ARMH3: variants seen among roughly 807,000 people sequenced by gnomAD.
ARMH3 encodes armadillo-like helical domain-containing protein 3.
Under a neutral mutation model 99.1 loss-of-function variants are expected in ARMH3, and 60 were observed. The observed-to-expected ratio is 0.61, with a 90% CI of 0.49 to 0.75. The LOEUF (loss-of-function observed/expected upper bound fraction) is 0.75, where lower values mean the gene tolerates loss of function less well. ARMH3 is among the 30% of genes least tolerant of loss of function. The pLI is 0.00. For synonymous variants in ARMH3, 285 were observed against 292.8 expected (o/e 0.97, Z 0.27); for missense variants, 679 against 843.1 (o/e 0.81, Z 2.41).
At chr10:102,001,188 T>C (rs767002461) in intron 15 of ARMH3, among the ~76,000 whole-genome samples, 1 of 152,148 alleles carries the variant, frequency 6.6e-6, no homozygotes, top group Non-Finnish European at 1.5e-5. Context: ...ATGGTTAAGA[T>C]GGTAAATTTT....
intron 22 of ARMH3, among the ~76,000 whole-genome samples, chr10:101,955,449 G>A (rs961921114): frequency 3.3e-5 from 5 of 152,064 alleles, no homozygotes; most frequent in African/African-American, 1.2e-4. Context: ...CACTGCCTAA[G>A]ACATTATAGC....
intron 23 of ARMH3, among the ~76,000 whole-genome samples, chr10:101,894,010 T>C (rs2067757496): frequency 6.6e-6 from 1 of 152,114 alleles, no homozygotes; most frequent in Admixed American, 6.5e-5. Context: ...TCTCAGAACT[T>C]CAGATCTAAG....
In ARMH3 at chr10:102,006,002, T is replaced by C. The variant is rs913958297; in HGVS notation, c.1048+538A>G. On this transcript the variant is annotated intron_variant, in intron 14 of 25. Transcript: ENST00000370033. The stretch of plus-strand genomic sequence containing the variant: ...AATATTTATTAAGCAAGTACCATGC[T>C]GGGCACTATGCTAGGCATTTAGTAG... 3.3e-5 allele frequency among the ~76,000 whole-genome samples: 5 copies of C among 152,354 alleles called. No individual in the cohort carries two copies. In the East Asian group the frequency reaches 9.6e-4, roughly 29 times the overall value.
chr10:101,879,838 C>G (rs1017907970), intron 24 of ARMH3, among the ~76,000 whole-genome samples: 4 of 152,178 alleles, frequency 2.6e-5, no homozygotes, highest in African/African-American at 9.7e-5. Context: ...AGCAGCACAT[C>G]ATTGTTCAGC....
At chr10:101,854,851 C>T (rs554307607) in intron 24 of ARMH3, among the ~76,000 whole-genome samples, 2 of 151,770 alleles carry the variant, frequency 1.3e-5, no homozygotes, top group East Asian at 4.0e-4. Context: ...GTGAGGATAA[C>T]ATGAGATTAA....
chr10:102,000,365 T>C (rs1037028657), intron 15 of ARMH3, among the ~76,000 whole-genome samples: 1 of 152,054 alleles, frequency 6.6e-6, no homozygotes, highest in African/African-American at 2.4e-5. Context: ...CAGTCAAATT[T>C]ATAGAGGCAG....
chr10:102,017,719 G>C (rs1471671845), intron 8 of ARMH3, among the ~76,000 whole-genome samples: 2 of 152,094 alleles, frequency 1.3e-5, no homozygotes, highest in African/African-American at 4.8e-5. Context: ...CAGTAAAATA[G>C]GTGTTGGGAA....
chr10:101,915,320 G>A (rs1843032253), intron 23 of ARMH3, among the ~76,000 whole-genome samples: 2 of 152,080 alleles, frequency 1.3e-5, no homozygotes, highest in Admixed American at 6.5e-5. Flanking sequence ...AGTCACTTAG[G>A]GAATCAGCAT....
At chr10:102,056,051 G>C (rs2067846481) in intron 1 of ARMH3, 34 bp downstream of exon 1, 1 of 152,292 alleles carries the variant, frequency 6.6e-6, no homozygotes, top group African/African-American at 2.4e-5. Flanking sequence ...GGTCAGGTTC[G>C]AGGACCGGGC....
intron 15 of ARMH3, among the ~76,000 whole-genome samples, chr10:101,997,082 T>A (rs1847094063): frequency 6.6e-6 from 1 of 151,926 alleles, no homozygotes; most frequent in African/African-American, 2.4e-5. Flanking sequence ...TTGGCCAACA[T>A]GGTGAAACCC....
Position 101,848,780 on chromosome 10 carries a change from C to T in ARMH3, c.1977+996G>A, listed in dbSNP as rs570114676. Among the ~76,000 whole-genome samples, 13 of 152,270 alleles carry T rather than the reference C, an allele frequency of 8.5e-5. No individual in the cohort carries two copies. The East Asian group carries it at 2.5e-3, about 29-fold the overall frequency. ...ACCCTCTCCAGCTCCTCACAGATTG[C>T]TCTCTGTTAACCATTTGCTCCCAGA... On this transcript the variant is annotated intron_variant, in intron 25 of 25. Coordinates refer to ENST00000370033, the MANE Select transcript of ARMH3 (RefSeq NM_024541.3).
intron 1 of ARMH3, among the ~76,000 whole-genome samples, chr10:102,053,043 A>G (rs1446615443): frequency 6.6e-6 from 1 of 152,044 alleles, no homozygotes; most frequent in East Asian, 1.9e-4. Context: ...AAGTTGAATC[A>G]ATCTCAGAAG....
At chr10:101,904,652 TA>T (rs535599334) in intron 23 of ARMH3, among the ~76,000 whole-genome samples, 54 of 144,432 alleles carry the variant, frequency 3.7e-4, no homozygotes, top group Non-Finnish European at 3.1e-4. Flanking sequence ...GTGTTGGGAT[TA>T]AAAAAAAAAA....
intron 15 of ARMH3, 70 bp downstream of exon 15, chr10:102,001,901 T>C (rs181283614): frequency 7.5e-7 from 1 of 1,338,150 alleles, no homozygotes; most frequent in East Asian, 2.3e-5. Context: ...AAAATATTAA[T>C]GTTGCTCTTT....
At chr10:101,861,804 G>A (rs1177690410) in intron 24 of ARMH3, among the ~76,000 whole-genome samples, 28 of 148,182 alleles carry the variant, frequency 1.9e-4, no homozygotes, top group African/African-American at 6.5e-4. Context: ...AGGCCAAGGC[G>A]GGTGGATCAC....
chr10:101,984,165 A>G (rs775280268), intron 19 of ARMH3, among the ~76,000 whole-genome samples: 1 of 152,212 alleles, frequency 6.6e-6, no homozygotes, highest in Non-Finnish European at 1.5e-5. Context: ...GAAAACAGAA[A>G]AAACACTATG....
intron 1 of ARMH3, among the ~76,000 whole-genome samples, chr10:102,042,411 C>T (rs2067445382): frequency 6.6e-6 from 1 of 152,228 alleles, no homozygotes; most frequent in Non-Finnish European, 1.5e-5. Flanking sequence ...AATAAATTCA[C>T]TTTCTCTATT....
chr10:101,880,858 T>G (rs1374108655), intron 24 of ARMH3, among the ~76,000 whole-genome samples: 1 of 152,104 alleles, frequency 6.6e-6, no homozygotes, highest in African/African-American at 2.4e-5. Context: ...CAAACTGGGG[T>G]TCTCCTCTTA....
intron 23 of ARMH3, among the ~76,000 whole-genome samples, chr10:101,898,187 A>AAT (rs1554856635): frequency 5.4e-5 from 8 of 148,718 alleles, no homozygotes; most frequent in Admixed American, 4.7e-4. Flanking sequence ...AAAAAAAAAA[A>AAT]TTTTTTTTTT....
Sources: allele counts gnomAD v4.1 joint callset (sites outside exome capture counted in the v4.1 genomes callset), GRCh38; gene constraint gnomAD v4.1.1; transcripts MANE v1.5; gene names NCBI Gene and HGNC (gene_info 2026-07-23, HGNC 2026-07-21).